ABCG1: variants seen among roughly 807,000 people sequenced by gnomAD.
ABCG1 encodes the protein ATP-binding cassette sub-family G member 1.
Under a neutral mutation model 69.2 loss-of-function variants are expected in ABCG1, and 29 were observed. The observed-to-expected ratio is 0.42, with a 90% CI of 0.31 to 0.57. The LOEUF (loss-of-function observed/expected upper bound fraction) is 0.57, where lower values mean the gene tolerates loss of function less well. ABCG1 is among the 20% of genes least tolerant of loss of function. The pLI is 0.15. For synonymous variants in ABCG1, 370 were observed against 374.8 expected (o/e 0.99, Z 0.15); for missense variants, 718 against 898.1 (o/e 0.80, Z 2.56).
chr21:42,221,233 C>T (rs2067721578), intron 1 of ABCG1: 1 of 152,186 alleles, frequency 6.6e-6, no homozygotes, highest in Non-Finnish European at 1.5e-5. Flanking sequence ...CAGAGTTAGG[C>T]CCCGGCTAGT....
intron 5 of ABCG1, among the ~76,000 whole-genome samples, chr21:42,280,424 C>T (rs2068786896): frequency 6.6e-6 from 1 of 152,232 alleles, no homozygotes; most frequent in African/African-American, 2.4e-5. Context: ...GGAGTGAGGT[C>T]TCCAGGGGCA....
At chr21:42,285,129 G>A (rs1333350771) in intron 7 of ABCG1, among the ~76,000 whole-genome samples, 4 of 152,084 alleles carry the variant, frequency 2.6e-5, no homozygotes, top group African/African-American at 9.7e-5. Flanking sequence ...CTGTTAAAAT[G>A]GGGGGAGGGG....
At position 42,255,500 on chromosome 21, in the gene ABCG1, G is replaced by T. The variant is rs115465861; in HGVS notation, c.287-15570G>T. Among the ~76,000 whole-genome samples, 729 of 152,306 alleles carry T rather than the reference G, an allele frequency of 4.8e-3. 10 individuals carry two copies. The highest frequency in any genetic ancestry group is 0.016 in the African/African-American group (678 of 41,550). ...TGTGCACATGGTGTGTGCATGGCAT[G>T]GGTGTGTATCATGGCCTGTGTGTGC... On this transcript the variant is annotated intron_variant, in intron 2 of 14. Coordinates refer to ENST00000398449, the MANE Select transcript of ABCG1 (RefSeq NM_016818.3).
chr21:42,268,264 G>T (rs935601096), intron 2 of ABCG1, among the ~76,000 whole-genome samples: 1 of 152,200 alleles, frequency 6.6e-6, no homozygotes, highest in East Asian at 1.9e-4. Context: ...TAGGGCAGGC[G>T]GGGTGGGATG....
chr21:42,232,770 C>A (rs1174396339), intron 2 of ABCG1, among the ~76,000 whole-genome samples: 3 of 152,192 alleles, frequency 2.0e-5, no homozygotes, highest in Non-Finnish European at 4.4e-5. Flanking sequence ...TCCACCAGTC[C>A]AAGAAATCAC....
chr21:42,296,062 G>A lies in ABCG1; in HGVS notation c.1773-102G>A. 1.0e-6 allele frequency: 1 copy of A among 986,858 alleles called. No individual in the cohort carries two copies. The allele number at this position is 986,858 out of a possible 1,614,324, so 61.1% of individuals were successfully genotyped here. On this transcript the variant is annotated intron_variant, in intron 14 of 14. Coordinates refer to ENST00000398449, the MANE Select transcript of ABCG1 (RefSeq NM_016818.3). This position sits in a 1 kb window ranked among gnomAD's most constrained non-coding sequence, Gnocchi z 5.4. ...GGCGGCCCTTTGGGAAGGGAGGATA[G>A]CCAAGCTGGGAATCGCAGGGAGGGT...
intron 2 of ABCG1, chr21:42,259,278 T>C (rs1188204777): frequency 4.0e-6 from 6 of 1,516,064 alleles, no homozygotes; most frequent in Non-Finnish European, 3.5e-6. Context: ...AGATCTGTGC[T>C]CTGCCTGAGT....
In ABCG1 at chr21:42,294,660, G is replaced by C; in HGVS notation, c.1772G>C (p.Arg591Thr). ...TGGATGTCCTACATCTCCTATGTCA[G>C]GTAGCGGGCGTGGGGCACGCATGGC... ...LQWMSYISYV[R>T]YGFEGVILSI... is the part of the protein sequence containing the mutation. Residue 591 changes from arginine (R) to threonine (T), a missense_variant and splice_region_variant, in exon 14 of 15, where the codon AGG becomes ACG. This residue lies in a region of ABCG1 where 204 missense variants were observed against 323.8 expected (regional missense o/e 0.63). Transcript: ENST00000398449. 1 of 1,613,522 alleles carries C rather than the reference G, an allele frequency of 6.2e-7. No homozygotes were observed. The highest frequency in any genetic ancestry group is 8.5e-7 in the Non-Finnish European group (1 of 1,179,388).
chr21:42,237,161 C>A (rs1252167019), intron 2 of ABCG1, among the ~76,000 whole-genome samples: 1 of 152,246 alleles, frequency 6.6e-6, no homozygotes, highest in Non-Finnish European at 1.5e-5. Flanking sequence ...TTGTCACCTT[C>A]TCTCTTCCCA....
At chr21:42,255,205 C>A (rs543099024) in intron 2 of ABCG1, among the ~76,000 whole-genome samples, 1 of 152,348 alleles carries the variant, frequency 6.6e-6, no homozygotes, top group African/African-American at 2.4e-5. Context: ...GGCCCCGTTG[C>A]TAGTGATCTG....
chr21:42,243,888 G>A (rs1434731004), intron 2 of ABCG1, among the ~76,000 whole-genome samples: 1 of 134,984 alleles, frequency 7.4e-6, no homozygotes, highest in East Asian at 2.2e-4. Context: ...GTGCGATCTC[G>A]GCTCACTGCA....
In ABCG1 at chr21:42,259,995, G is replaced by T. The variant is rs1203646113; in HGVS notation, c.287-11075G>T. 2.6e-6 allele frequency: 4 copies of T among 1,536,040 alleles called. No individual in the cohort carries two copies. In the South Asian group the frequency reaches 4.9e-5, roughly 19 times the overall value. On this transcript the variant is annotated intron_variant, in intron 2 of 14. Transcript: ENST00000398449. ...TCCCTCCTGGTTTCTTCAGGCCAGT[G>T]CGGCATCCTGCACGTGGTCAGTCCA... is the stretch of plus-strand genomic sequence containing the variant.
Position 42,287,367 on chromosome 21 carries a change from A to C in ABCG1, c.974-522A>C, listed in dbSNP as rs1197402507. ...GCCGGTGCAGGAGACGCTCACTGGG[A>C]TCTGAGAGGTGCAGGTTGAGGGTCC... On this transcript the variant is annotated intron_variant, in intron 8 of 14. Coordinates refer to ENST00000398449, the MANE Select transcript of ABCG1 (RefSeq NM_016818.3). This position sits in a 1 kb window ranked among gnomAD's most constrained non-coding sequence, Gnocchi z 6.2. Among the ~76,000 whole-genome samples, 1 of 152,090 alleles carries C rather than the reference A, an allele frequency of 6.6e-6. No homozygotes were observed. The highest frequency in any genetic ancestry group is 2.4e-5 in the African/African-American group (1 of 41,406).
chr21:42,228,689 A>G (rs1048586037), intron 2 of ABCG1, among the ~76,000 whole-genome samples: 2 of 152,216 alleles, frequency 1.3e-5, no homozygotes, highest in Admixed American at 1.3e-4. Flanking sequence ...CCATGTAGCC[A>G]GCAGGGAAGC....
intron 3 of ABCG1, among the ~76,000 whole-genome samples, chr21:42,272,168 GA>G (rs1418853086): frequency 3.3e-5 from 5 of 152,202 alleles, no homozygotes; most frequent in African/African-American, 9.7e-5. Context: ...ATTGGGGTTT[GA>G]AAAAACCTCA....
chr21:42,292,685 GTGCACACCACACAC>G (rs975260792), intron 13 of ABCG1, among the ~76,000 whole-genome samples: 1 of 56,962 alleles, frequency 1.8e-5, no homozygotes, highest in Non-Finnish European at 3.6e-5. Flanking sequence ...ACCACACACG[GTGCACACCACACAC>G]TACACACCAC....
At chr21:42,242,922 C>T (rs1044994548) in intron 2 of ABCG1, among the ~76,000 whole-genome samples, 11 of 152,114 alleles carry the variant, frequency 7.2e-5, no homozygotes, top group Non-Finnish European at 1.3e-4. Flanking sequence ...GGCAGGGTTC[C>T]GTGTCTGATA....
At chr21:42,212,035 A>G (rs866024419), upstream of ABCG1, among the ~76,000 whole-genome samples, 3 of 152,220 alleles carry the variant, frequency 2.0e-5, no homozygotes, top group Admixed American at 1.3e-4. Flanking sequence ...TTTCCTTTCT[A>G]CCACGGGAGG....
At chr21:42,249,233 GGCCTGGGGTGTGTTGCTGAGATTACC>G (rs1251390060) in intron 2 of ABCG1, among the ~76,000 whole-genome samples, 53 of 152,260 alleles carry the variant, frequency 3.5e-4, no homozygotes, top group African/African-American at 1.2e-3. Context: ...AGGGGCGCCG[GGCCTGGGGTGTGTTGCTGAGATTACC>G]GCCTGGCTGG....
Sources: gnomAD v4.1 joint callset for allele counts (sites outside exome capture counted in the v4.1 genomes callset) on GRCh38, gnomAD v4.1.1 for gene constraint, gnomAD v4.1.1 regional missense constraint, Gnocchi (gnomAD v3.1) non-coding constraint, MANE v1.5 for transcripts, NCBI Gene and HGNC (gene_info 2026-07-23, HGNC 2026-07-21) for gene names.